The following PIK3AP1 variants were observed in gnomAD, a reference collection of about 807,000 sequenced individuals.
PIK3AP1 encodes the protein phosphoinositide-3-kinase adaptor protein 1, also known as phosphoinositide 3-kinase adapter protein 1.
PIK3AP1 carries 21 observed loss-of-function variants against 88.1 expected under a neutral mutation model. The ratio of observed to expected loss-of-function variants is 0.24; its 90% CI spans 0.17 to 0.34. The LOEUF (loss-of-function observed/expected upper bound fraction) is 0.34. PIK3AP1 is among the 10% of genes least tolerant of loss of function. The pLI is 1.00. For synonymous variants in PIK3AP1, 398 were observed against 400.0 expected (o/e 1.00, Z 0.06); for missense variants, 828 against 1,035.7 (o/e 0.80, Z 2.75).
intron 1 of PIK3AP1, among the ~76,000 whole-genome samples, chr10:96,717,537 C>T (rs1452578531): frequency 1.3e-5 from 2 of 152,114 alleles, no homozygotes; most frequent in Non-Finnish European, 2.9e-5. Flanking sequence ...TATTGAGAGG[C>T]CTCAAGGATC....
chr10:96,625,226 G>A (rs762694279), intron 10 of PIK3AP1, among the ~76,000 whole-genome samples: 2 of 152,230 alleles, frequency 1.3e-5, no homozygotes, highest in Non-Finnish European at 2.9e-5. Flanking sequence ...AACTCCGTGT[G>A]TTAATTCCCC....
rs370284616 is a variant in PIK3AP1 at position 96,638,233 on chromosome 10, A to C, written c.1375+7240T>G. 4.9e-4 allele frequency among the ~76,000 whole-genome samples: 75 copies of C among 152,206 alleles called. 1 individual carries two copies. The East Asian group carries it at 7.3e-3, about 15-fold the overall frequency. ...GTGAGAGTGGGTTTGTTATCACAGGAGTAGCTTTGTTGTAATAGCAAGACC... is the reference window on the plus strand; with the variant it reads ...GTGAGAGTGGGTTTGTTATCACAGGCGTAGCTTTGTTGTAATAGCAAGACC... On this transcript the variant is annotated intron_variant, in intron 8 of 16. Transcript: ENST00000339364.
At chr10:96,655,358 T>C (rs898320091) in intron 3 of PIK3AP1, among the ~76,000 whole-genome samples, 1 of 152,048 alleles carries the variant, frequency 6.6e-6, no homozygotes, top group African/African-American at 2.4e-5. Context: ...ACAAAAAAAA[T>C]TAGCCAGGCA....
intron 7 of PIK3AP1, among the ~76,000 whole-genome samples, chr10:96,648,106 G>A (rs151325318): frequency 2.0e-5 from 3 of 152,324 alleles, no homozygotes; most frequent in Non-Finnish European, 4.4e-5. Context: ...GGGCCTTAGA[G>A]TTGCTGCCCT....
intron 13 of PIK3AP1, among the ~76,000 whole-genome samples, chr10:96,616,378 G>A (rs1233597380): frequency 6.6e-6 from 1 of 152,212 alleles, no homozygotes; most frequent in Non-Finnish European, 1.5e-5. Context: ...TGAGTGAAAA[G>A]GTGGAAGCAT....
chr10:96,704,974 T>A (rs1482107832), intron 2 of PIK3AP1, among the ~76,000 whole-genome samples: 1 of 152,328 alleles, frequency 6.6e-6, no homozygotes, highest in Admixed American at 6.5e-5. Context: ...TACTTTAAAC[T>A]TTACATGGTC....
chr10:96,614,672 A>G (rs1238360646), intron 13 of PIK3AP1, among the ~76,000 whole-genome samples: 2 of 152,074 alleles, frequency 1.3e-5, no homozygotes, highest in Non-Finnish European at 2.9e-5. Flanking sequence ...AAGATAACTG[A>G]CTCATTAGCT....
rs200785097 is a variant in PIK3AP1, at chr10:96,629,927, A to G, written c.1376-1434T>C. 3.4e-3 allele frequency among the ~76,000 whole-genome samples: 49 copies of G among 14,626 alleles called. 2 individuals are homozygous for G. The East Asian group carries it at 0.072, about 22-fold the overall frequency. The allele number at this position is 14,626 out of a possible 152,430, so 9.6% of individuals were successfully genotyped here. On this transcript the variant is annotated intron_variant, in intron 8 of 16. Coordinates refer to ENST00000339364, the MANE Select transcript of PIK3AP1 (RefSeq NM_152309.3). ...CAACAACCAAAAAAAAAAAAAAAAA[A>G]AAAAAGAAGAAGAAGAAGAAGAAGA...
chr10:96,635,237 T>C (rs1369850), intron 8 of PIK3AP1, among the ~76,000 whole-genome samples: 143,975 of 152,166 alleles, frequency 0.95, 68,610 homozygotes, highest in East Asian at 1. Flanking sequence ...CACAGTCAGC[T>C]TGCCATGAAT....
intron 2 of PIK3AP1, chr10:96,700,790 G>A (rs1589545996): frequency 1.2e-5 from 12 of 985,000 alleles, no homozygotes; most frequent in Middle Eastern, 5.2e-4. Flanking sequence ...CCCAGAAGTC[G>A]TCCATGACTT....
chr10:96,652,410 A>G (rs1843551287), intron 4 of PIK3AP1, among the ~76,000 whole-genome samples: 1 of 152,080 alleles, frequency 6.6e-6, no homozygotes, highest in South Asian at 2.1e-4. Flanking sequence ...CGTCTCTACT[A>G]AAAATACAAA....
intron 2 of PIK3AP1, among the ~76,000 whole-genome samples, chr10:96,671,769 G>T (rs1354495530): frequency 6.6e-6 from 1 of 152,100 alleles, no homozygotes. Flanking sequence ...GGCCAGGCAT[G>T]ATTACTCACA....
At chr10:96,608,356 C>T (rs1849039245) in intron 14 of PIK3AP1, among the ~76,000 whole-genome samples, 1 of 152,172 alleles carries the variant, frequency 6.6e-6, no homozygotes, top group African/African-American at 2.4e-5. Flanking sequence ...CTGAACTTGT[C>T]AGAATTCTCA....
At chr10:96,655,339 A>C (rs902597429) in intron 3 of PIK3AP1, among the ~76,000 whole-genome samples, 50 of 152,136 alleles carry the variant, frequency 3.3e-4, no homozygotes, top group Admixed American at 1.3e-4. Context: ...CCTCGTCTCT[A>C]CTAAAAATAC....
At chr10:96,634,994 C>T (rs543995564) in intron 8 of PIK3AP1, among the ~76,000 whole-genome samples, 1 of 152,326 alleles carries the variant, frequency 6.6e-6, no homozygotes, top group Admixed American at 6.5e-5. Flanking sequence ...ACTGAGTCCT[C>T]CCACTGATGC....
At chr10:96,621,951 G>A (rs1255659041) in intron 11 of PIK3AP1, among the ~76,000 whole-genome samples, 3 of 152,104 alleles carry the variant, frequency 2.0e-5, no homozygotes, top group African/African-American at 7.2e-5. Context: ...TTAGGGAGGG[G>A]GTACAAAATC....
intron 11 of PIK3AP1, 191 bp from the exon 12 acceptor site, chr10:96,620,748 T>C (rs1412900919): frequency 5.2e-6 from 3 of 578,250 alleles, no homozygotes; most frequent in African/African-American, 1.9e-5. Flanking sequence ...CCAAGGCCTA[T>C]CACACTGAAG....
At chr10:96,628,310 G>T in intron 9 of PIK3AP1, 88 bp downstream of exon 9, 3 of 1,168,094 alleles carry the variant, frequency 2.6e-6, no homozygotes, top group South Asian at 2.5e-5. Flanking sequence ...ATTCCTTGAG[G>T]GGAGCAACCC....
At chr10:96,656,739 C>T in intron 3 of PIK3AP1, 59 bp downstream of exon 3, 1 of 1,596,952 alleles carries the variant, frequency 6.3e-7, no homozygotes, top group East Asian at 2.2e-5. Flanking sequence ...GCAACAAATG[C>T]ATGCATTTGA....
Sources: allele counts gnomAD v4.1 joint callset (sites outside exome capture counted in the v4.1 genomes callset), GRCh38; gene constraint gnomAD v4.1.1; transcripts MANE v1.5; gene names NCBI Gene and HGNC (gene_info 2026-07-23, HGNC 2026-07-21).